The following CDK13 variants were observed in gnomAD, a reference collection of about 807,000 sequenced individuals.
CDK13 encodes cyclin dependent kinase 13.
CDK13 carries 40 observed loss-of-function variants against 137.6 expected under a neutral mutation model. The ratio of observed to expected loss-of-function variants is 0.29; its 90% CI spans 0.23 to 0.38. The LOEUF is 0.38. Among genes scored for constraint, CDK13 ranks in the 10% least tolerant of loss-of-function variants. The pLI is 1.00. For synonymous variants in CDK13, 869 were observed against 760.1 expected (o/e 1.14, Z -2.36); for missense variants, 1,704 against 1,951.8 (o/e 0.87, Z 2.39).
In CDK13 at chr7:40,019,434, G is replaced by T. The variant is rs1230225516; in HGVS notation, c.2353+17403G>T. Among the ~76,000 whole-genome samples, 4 of 152,286 alleles carry T rather than the reference G, an allele frequency of 2.6e-5. No homozygotes were observed. In the East Asian group the frequency reaches 5.8e-4, roughly 22 times the overall value. On this transcript the variant is annotated intron_variant, in intron 5 of 13. Coordinates refer to ENST00000181839, the MANE Select transcript of CDK13 (RefSeq NM_003718.5). ...TATTAAGGAATTAGGTCACACAATT[G>T]TAGGGGCTGGCAAGTCTGAAATTTG...
chr7:40,068,765 AAGC>A (rs1786343868), intron 9 of CDK13, among the ~76,000 whole-genome samples: 1 of 151,712 alleles, frequency 6.6e-6, no homozygotes, highest in South Asian at 2.1e-4. Context: ...AGAAATGGAA[AAGC>A]AGCATGAATA....
At chr7:40,078,168 TTAATTC>T (rs1786588048) in intron 10 of CDK13, 47 bp downstream of exon 10, 2 of 885,334 alleles carry the variant, frequency 2.3e-6, no homozygotes, top group Non-Finnish European at 3.6e-6. Flanking sequence ...ATGTTTTACT[TTAATTC>T]TAGTGAATTA....
intron 7 of CDK13, among the ~76,000 whole-genome samples, chr7:40,051,263 C>CTT (rs11284687): frequency 1.4e-5 from 2 of 144,308 alleles, no homozygotes; most frequent in Admixed American, 6.9e-5. Flanking sequence ...TAAAACTTCT[C>CTT]TTTTTTTTTT....
intron 1 of CDK13, among the ~76,000 whole-genome samples, chr7:39,960,790 G>T (rs556450988): frequency 6.7e-6 from 1 of 149,308 alleles, no homozygotes; most frequent in Admixed American, 6.7e-5. Context: ...GGCCAGGCTG[G>T]TCTCGAACTC....
intron 5 of CDK13, among the ~76,000 whole-genome samples, chr7:40,044,439 C>T (rs191617373): frequency 7.2e-5 from 11 of 151,970 alleles, no homozygotes; most frequent in Admixed American, 6.5e-4. Flanking sequence ...CTACTTCAGT[C>T]CCCCGAGTAG....
rs566493854 is a variant in CDK13, at chr7:39,990,172, G to A, written c.1871+1914G>A. ...CGTATACATGTGAGTGCTTAATGAG[G>A]ATATTCCTTATGCATCTGTCTTTAA... On this transcript the variant is annotated intron_variant, in intron 2 of 13. Transcript: ENST00000181839. Among the ~76,000 whole-genome samples, 5 of 151,756 alleles carry A rather than the reference G, an allele frequency of 3.3e-5. No individual in the cohort carries two copies. The South Asian group carries it at 1.0e-3, about 32-fold the overall frequency.
At chr7:40,028,959 G>T (rs1344141559) in intron 5 of CDK13, among the ~76,000 whole-genome samples, 5 of 151,906 alleles carry the variant, frequency 3.3e-5, no homozygotes, top group Non-Finnish European at 7.4e-5. Context: ...AAGGAAAACA[G>T]AAATGGAAAA....
chr7:39,999,569 G>A, intron 4 of CDK13, 69 bp downstream of exon 4: 1 of 1,436,552 alleles, frequency 7.0e-7, no homozygotes, highest in Non-Finnish European at 9.3e-7. Flanking sequence ...CTCTTCTGAT[G>A]TTTGGCTTCA....
chr7:40,089,032 T>C (rs975028699), intron 12 of CDK13, among the ~76,000 whole-genome samples: 2 of 151,696 alleles, frequency 1.3e-5, no homozygotes, highest in African/African-American at 4.8e-5. Context: ...TGAGCCGAGA[T>C]TGCGCCACTG....
rs551211188 is a variant in CDK13, at chr7:39,966,998, C to T, written c.1211+15146C>T. On this transcript the variant is annotated intron_variant, in intron 1 of 13. Transcript: ENST00000181839. The stretch of plus-strand genomic sequence containing the variant: ...GTTTTGTGTCAGAGGAGTACCTGGC[C>T]GTGTGAGGTGTCAGTCTGCCCCTAC... 4.9e-4 allele frequency among the ~76,000 whole-genome samples: 74 copies of T among 152,164 alleles called. 1 individual carries two copies. In the South Asian group the frequency reaches 0.012, roughly 24 times the overall value.
intron 4 of CDK13, among the ~76,000 whole-genome samples, chr7:40,001,155 T>C (rs1184664757): frequency 6.6e-6 from 1 of 152,096 alleles, no homozygotes; most frequent in Non-Finnish European, 1.5e-5. Context: ...GCTATATTTG[T>C]CTTTCCCTCG....
Position 39,951,529 on chromosome 7 carries a change from G to C in CDK13, c.888G>C (p.Pro296=). The C allele has an allele frequency of 6.5e-7, 1 of 1,534,492 alleles. No individual in the cohort carries two copies. The highest frequency in any genetic ancestry group is 8.8e-7 in the Non-Finnish European group (1 of 1,142,708). Residue 296 remains proline (P), a synonymous_variant, in exon 1 of 14, where the codon CCG becomes CCC. Transcript: ENST00000181839. ...SKEPPSAYKE[P]PKAYREDKTE... ...AGCCGCCTTCGGCCTACAAGGAACC[G>C]CCCAAGGCCTACCGGGAGGACAAGA...
At chr7:40,034,692 A>G (rs574199148) in intron 5 of CDK13, among the ~76,000 whole-genome samples, 1 of 152,286 alleles carries the variant, frequency 6.6e-6, no homozygotes, top group South Asian at 2.1e-4. Context: ...AGCTAAGTCA[A>G]AGGATATTTG....
At position 39,987,688 on chromosome 7, in the gene CDK13, G is replaced by T. The variant is rs755212969; in HGVS notation, c.1301G>T (p.Arg434Leu). 1 of 1,613,816 alleles carries T rather than the reference G, an allele frequency of 6.2e-7. No homozygotes were observed. The highest frequency in any genetic ancestry group is 8.5e-7 in the Non-Finnish European group (1 of 1,179,948). The change falls in exon 2 of 14, where the codon CGT becomes CTT. Residue 434 changes from arginine to leucine, a missense_variant. Arg to Leu is a moderately radical substitution (Grantham distance 102). Coordinates refer to ENST00000181839, the MANE Select transcript of CDK13 (RefSeq NM_003718.5). ...CACAGATTGTCTAGATCCAGAAGTC[G>T]TCATTCTAGTATTTCTCCTAGCACA... ...SRHRLSRSRS[R>L]HSSISPSTLT...
At chr7:40,016,587 T>C (rs970904380) in intron 5 of CDK13, among the ~76,000 whole-genome samples, 67 of 152,300 alleles carry the variant, frequency 4.4e-4, no homozygotes, top group African/African-American at 1.4e-3. Flanking sequence ...CCAGGTGTTA[T>C]GTATTTATAG....
chr7:40,021,644 GTTTTA>G (rs967985622), intron 5 of CDK13, among the ~76,000 whole-genome samples: 1 of 152,096 alleles, frequency 6.6e-6, no homozygotes, highest in African/African-American at 2.4e-5. Flanking sequence ...AAAAAGTAGT[GTTTTA>G]TTTAATTAAA....
intron 1 of CDK13, among the ~76,000 whole-genome samples, chr7:39,960,215 AT>A (rs61110193): frequency 0.47 from 67,549 of 143,624 alleles, 17,143 homozygotes; most frequent in East Asian, 0.65. Context: ...TCATTTGATC[AT>A]TTTTTTTTTT....
chr7:40,030,272 TATAG>T lies in CDK13; in HGVS notation c.2354-15562_2354-15559del, dbSNP rs1224605351. ...GTATATGTGTGTGTGTATATATATATATAGAGAGAGAGAGAGAGAGAAAGTCATT... is the reference window on the plus strand; with the variant it reads ...GTATATGTGTGTGTGTATATATATATAGAGAGAGAGAGAGAGAAAGTCATT... On this transcript the variant is annotated intron_variant, in intron 5 of 13. Coordinates refer to ENST00000181839, the MANE Select transcript of CDK13 (RefSeq NM_003718.5). 8.5e-3 allele frequency among the ~76,000 whole-genome samples: 1,137 copies of T among 133,216 alleles called. 15 individuals carry two copies. The highest frequency in any genetic ancestry group is 0.042 in the African/African-American group (1,067 of 25,690). The allele number at this position is 133,216 out of a possible 152,430, so 87.4% of individuals were successfully genotyped here. A position where few individuals can be genotyped will look rare whatever the true frequency, so the allele number is the denominator to read the frequency against.
In CDK13 at chr7:40,094,365, G is replaced by A. The variant is rs1211607941; in HGVS notation, c.3924G>A (p.Gln1308=). Residue 1308 remains glutamine, a synonymous_variant, in exon 14 of 14, where the codon CAG becomes CAA. Transcript: ENST00000181839. The part of the protein sequence containing the change: ...VKAALLQLLA[Q]HQPQDDPKRE... ...CAGCCCTGTTACAGCTGCTTGCTCA[G>A]CATCAGCCCCAGGATGACCCCAAAA... 6.2e-7 allele frequency: 1 copy of A among 1,613,974 alleles called. No homozygotes were observed. Among genetic ancestry groups the A allele is most frequent in the Admixed American group, 1.7e-5 (1 of 60,000 alleles).
Sources: gnomAD v4.1 joint callset for allele counts (sites outside exome capture counted in the v4.1 genomes callset) on GRCh38, gnomAD v4.1.1 for gene constraint, MANE v1.5 for transcripts, NCBI Gene and HGNC (gene_info 2026-07-23, HGNC 2026-07-21) for gene names.